Variants in LHX8 observed in about 807,000 individuals in gnomAD.
The protein encoded by LHX8 is LIM homeobox 8.
LHX8 carries 12 observed loss-of-function variants against 40.3 expected under a neutral mutation model. The ratio of observed to expected loss-of-function variants is 0.30; its 90% CI spans 0.19 to 0.48. The LOEUF (loss-of-function observed/expected upper bound fraction) is 0.48, where lower values mean the gene tolerates loss of function less well. LHX8 is among the 20% of genes least tolerant of loss of function. The probability of loss-of-function intolerance (pLI) is 0.99; values close to 1 mark genes in which losing one functional copy is unlikely to be tolerated. For synonymous variants in LHX8, 179 were observed against 162.0 expected (o/e 1.10, Z -0.80); for missense variants, 344 against 433.7 (o/e 0.79, Z 1.84).
chr1:75,128,527 C>G (rs1298187511), exon 1 of LHX8: 1 of 152,036 alleles, frequency 6.6e-6, no homozygotes, highest in Non-Finnish European at 1.5e-5. Context: ...CTGAACTCAC[C>G]CTAAAGAGGA....
intron 6 of LHX8, among the ~76,000 whole-genome samples, chr1:75,147,371 A>G (rs750988413): frequency 1.2e-4 from 18 of 152,148 alleles, no homozygotes; most frequent in Non-Finnish European, 2.4e-4. Flanking sequence ...CTCTTAACAT[A>G]CTCTCTGACA....
Position 75,161,114 on chromosome 1 carries a change from C to T in LHX8, c.*219C>T. On this transcript the variant is annotated 3_prime_UTR_variant, in exon 9 of 9. Coordinates refer to ENST00000356261, the MANE Select transcript of LHX8 (RefSeq NM_001256114.2). ...TTATGTTTACAAGAAGAAAACAAAT[C>T]AAAACATTTTTTGTATTGTCTGGAA... 2 of 539,754 alleles carry T rather than the reference C, an allele frequency of 3.7e-6. No homozygotes were observed. The highest frequency in any genetic ancestry group is 6.6e-6 in the Non-Finnish European group (2 of 302,156). The allele number at this position is 539,754 out of a possible 1,614,324, so 33.4% of individuals were successfully genotyped here.
chr1:75,147,115 T>A (rs1648480063), intron 6 of LHX8, among the ~76,000 whole-genome samples: 1 of 152,204 alleles, frequency 6.6e-6, no homozygotes, highest in Admixed American at 6.5e-5. Context: ...TAAAGTGAAC[T>A]GAGCAAGAAT....
Position 75,160,925 on chromosome 1 carries a change from G to T in LHX8, c.*30G>T, listed in dbSNP as rs770667066. ...TTTTTCAGGGATAGACTTGATTAAG[G>T]ATATAAATTTGTCATTTATTATGTA... On this transcript the variant is annotated 3_prime_UTR_variant, in exon 9 of 9. Transcript: ENST00000356261. 6.1e-6 allele frequency: 9 copies of T among 1,486,346 alleles called. No homozygotes were observed. The highest frequency in any genetic ancestry group is 6.6e-6 in the Non-Finnish European group (7 of 1,063,858). 92.1% of individuals were successfully genotyped at this position (1,486,346 alleles called of 1,614,324 possible).
At position 75,160,918 on chromosome 1, in the gene LHX8, G is replaced by T. The variant is rs1476829575; in HGVS notation, c.*23G>T. 6.7e-7 allele frequency: 1 copy of T among 1,502,668 alleles called. No individual in the cohort carries two copies. Among genetic ancestry groups the T allele is most frequent in the South Asian group, 1.1e-5 (1 of 88,790 alleles). 93.1% of individuals were successfully genotyped at this position (1,502,668 alleles called of 1,614,324 possible). A position where few individuals can be genotyped will look rare whatever the true frequency, so the allele number is the denominator to read the frequency against. ...TAATTCTTTTTTCAGGGATAGACTT[G>T]ATTAAGGATATAAATTTGTCATTTA... On this transcript the variant is annotated 3_prime_UTR_variant, in exon 9 of 9. Transcript: ENST00000356261.
At chr1:75,152,869 A>G (rs951184603) in intron 7 of LHX8, among the ~76,000 whole-genome samples, 2 of 152,080 alleles carry the variant, frequency 1.3e-5, no homozygotes, top group Non-Finnish European at 2.9e-5. Flanking sequence ...TCTGTTTCTT[A>G]TATTATCAAT....
chr1:75,178,307 C>CTT, the LHX8 span, among the ~76,000 whole-genome samples: 4 of 151,870 alleles, frequency 2.6e-5, no homozygotes, highest in African/African-American at 9.7e-5. Flanking sequence ...TGGTCCTGGA[C>CTT]TTTTTTTGTT....
chr1:75,177,132 G>T, the LHX8 span, among the ~76,000 whole-genome samples: 2 of 152,050 alleles, frequency 1.3e-5, no homozygotes, highest in Non-Finnish European at 2.9e-5. Flanking sequence ...TGTTCTTTTG[G>T]CTTAGGATTG....
In LHX8 at chr1:75,161,034, G is replaced by T. The variant is rs1412476293; in HGVS notation, c.*139G>T. Reference sequence around the variant, plus strand: ...CAACATCACTTTGCTGCCCAGGTATGTATCTATAGTTGGCCTGCAAGACAC... The same window carrying T: ...CAACATCACTTTGCTGCCCAGGTATTTATCTATAGTTGGCCTGCAAGACAC... On this transcript the variant is annotated 3_prime_UTR_variant, in exon 9 of 9. Transcript: ENST00000356261. 1 of 659,746 alleles carries T rather than the reference G, an allele frequency of 1.5e-6. No individual in the cohort carries two copies. The highest frequency in any genetic ancestry group is 1.8e-5 in the African/African-American group (1 of 54,654). The allele number at this position is 659,746 out of a possible 1,614,324, so 40.9% of individuals were successfully genotyped here. A position where few individuals can be genotyped will look rare whatever the true frequency, so the allele number is the denominator to read the frequency against.
At chr1:75,189,570 A>C in the LHX8 span, among the ~76,000 whole-genome samples, 1 of 152,190 alleles carries the variant, frequency 6.6e-6, no homozygotes, top group Non-Finnish European at 1.5e-5. Context: ...AAACAAAAAA[A>C]GTCATGAAAT....
chr1:75,156,806 GT>G, intron 7 of LHX8, 86 bp from the exon 8 acceptor site: 1 of 1,180,796 alleles, frequency 8.5e-7, no homozygotes, highest in Non-Finnish European at 1.3e-6. Flanking sequence ...TGTGATTGAG[GT>G]TGCATTCATT....
chr1:75,158,749 G>A (rs1648836317), intron 8 of LHX8, among the ~76,000 whole-genome samples: 1 of 151,992 alleles, frequency 6.6e-6, no homozygotes, highest in African/African-American at 2.4e-5. Context: ...TCTAATCATG[G>A]TAGGTCTATA....
chr1:75,129,136 C>T (rs1647897928), intron 1 of LHX8, among the ~76,000 whole-genome samples: 3 of 152,162 alleles, frequency 2.0e-5, no homozygotes, highest in African/African-American at 7.2e-5. Flanking sequence ...CCAAGTGATG[C>T]CATCTTCATT....
chr1:75,154,126 A>G (rs1648689409), intron 7 of LHX8, among the ~76,000 whole-genome samples: 1 of 152,188 alleles, frequency 6.6e-6, no homozygotes, highest in Non-Finnish European at 1.5e-5. Flanking sequence ...TGCAAACAAG[A>G]AGGAGGAAAT....
At chr1:75,133,666 C>A (rs1026091874), upstream of LHX8, among the ~76,000 whole-genome samples, 1 of 152,148 alleles carries the variant, frequency 6.6e-6, no homozygotes, top group African/African-American at 2.4e-5. Context: ...AACACACCTT[C>A]CAATCTTAAT....
At chr1:75,186,386 G>A in the LHX8 span, among the ~76,000 whole-genome samples, 1 of 152,076 alleles carries the variant, frequency 6.6e-6, no homozygotes, top group Non-Finnish European at 1.5e-5. Flanking sequence ...AAATAAGGCT[G>A]CACACCTACA....
At chr1:75,155,477 G>T (rs766410775) in intron 7 of LHX8, among the ~76,000 whole-genome samples, 1 of 151,880 alleles carries the variant, frequency 6.6e-6, no homozygotes, top group Non-Finnish European at 1.5e-5. Context: ...CTTGTGATTC[G>T]CCCGCCTTGG....
rs150800349 is a variant in LHX8, at chr1:75,155,456, G to C, written c.781-1437G>C. 4.6e-5 allele frequency among the ~76,000 whole-genome samples: 7 copies of C among 152,094 alleles called. No homozygotes were observed. In the South Asian group the frequency reaches 6.2e-4, roughly 14 times the overall value. ...TCACTGTTTTAGCCAGGATGGTCTC[G>C]ATCTCCTGACCTTGTGATTCGCCCG... On this transcript the variant is annotated intron_variant, in intron 7 of 8. Transcript: ENST00000356261.
upstream of LHX8, chr1:75,131,863 T>C (rs1369836082): frequency 6.6e-6 from 1 of 152,242 alleles, no homozygotes; most frequent in East Asian, 1.9e-4. Flanking sequence ...CGGATGTTGG[T>C]AGACACCTTG....
Sources: gnomAD v4.1 joint callset for allele counts (sites outside exome capture counted in the v4.1 genomes callset) on GRCh38, gnomAD v4.1.1 for gene constraint, MANE v1.5 for transcripts, NCBI Gene and HGNC (gene_info 2026-07-23, HGNC 2026-07-21) for gene names.